The following LRP2 variants were observed in gnomAD, a reference collection of about 807,000 sequenced individuals.
LRP2 encodes low-density lipoprotein receptor-related protein 2.
A neutral mutation model predicts 531.0 loss-of-function variants in LRP2; 172 were observed. That is an observed-to-expected ratio of 0.32 (90% CI 0.29 to 0.37). The LOEUF (loss-of-function observed/expected upper bound fraction) is 0.37, where lower values mean the gene tolerates loss of function less well. Among genes scored for constraint, LRP2 ranks in the 10% least tolerant of loss-of-function variants. The probability of loss-of-function intolerance (pLI) is 1.00; values close to 1 mark genes in which losing one functional copy is unlikely to be tolerated. For synonymous variants in LRP2, 1,992 were observed against 2,027.6 expected, an observed-to-expected ratio of 0.98 and a Z score of 0.47; for missense variants, 5,167 against 5,868.3, an observed-to-expected ratio of 0.88 and a Z score of 3.90.
chr2:169,134,343 T>G (rs1478882565), intron 76 of LRP2, among the ~76,000 whole-genome samples: 1 of 152,156 alleles, frequency 6.6e-6, no homozygotes, highest in Non-Finnish European at 1.5e-5. Flanking sequence ...TCAGCTGTAC[T>G]CACTCTTTGT....
In LRP2 at chr2:169,162,647, G is replaced by C. The variant is rs767921945; in HGVS notation, c.11759-47C>G. ...AAATCAAAACTTTTTCTTTTATGAA[G>C]CAAGATACTTCCTTCTTTGACAGAG... On this transcript the variant is annotated intron_variant, in intron 62 of 78. Coordinates refer to ENST00000649046, the MANE Select transcript of LRP2 (RefSeq NM_004525.3). 17 of 1,588,558 alleles carry C rather than the reference G, an allele frequency of 1.1e-5. No homozygotes were observed. The African/African-American group carries it at 1.2e-4, about 11-fold the overall frequency.
At chr2:169,150,040 A>C (rs1686066215) in intron 68 of LRP2, among the ~76,000 whole-genome samples, 1 of 152,006 alleles carries the variant, frequency 6.6e-6, no homozygotes, top group African/African-American at 2.4e-5. Flanking sequence ...TATAAGCAGC[A>C]ATGACTAATG....
At position 169,273,032 on chromosome 2, in the gene LRP2, C is replaced by G; in HGVS notation, c.2011G>C (p.Glu671Gln). The G allele has an allele frequency of 1.2e-6, 2 of 1,613,702 alleles. No individual in the cohort carries two copies. The highest frequency in any genetic ancestry group is 1.7e-6 in the Non-Finnish European group (2 of 1,179,736). The change falls in exon 15 of 79, where the codon GAG becomes CAG. Residue 671 changes from glutamate to glutamine, a missense_variant. By Grantham distance (29) the Glu-to-Gln change is conservative (BLOSUM62 2). Coordinates refer to ENST00000649046, the MANE Select transcript of LRP2 (RefSeq NM_004525.3). ...CTGTGGCTGAGGACACAGACCTGCTCACAGCCCCCATTGTTATCTTTACAC... is the reference window on the plus strand; with the variant it reads ...CTGTGGCTGAGGACACAGACCTGCTGACAGCCCCCATTGTTATCTTTACAC... Reference protein sequence around the residue: ...NPCKDNNGGCEQVCVLSHRTD... With the variant: ...NPCKDNNGGCQQVCVLSHRTD...
intron 15 of LRP2, chr2:169,271,888 T>C: frequency 6.5e-6 from 1 of 154,176 alleles, no homozygotes; most frequent in Non-Finnish European, 1.4e-5. Context: ...GAAGAAGTGA[T>C]GTTTAACAGC....
chr2:169,304,588 G>A (rs1375693963), intron 4 of LRP2, among the ~76,000 whole-genome samples: 1 of 152,026 alleles, frequency 6.6e-6, no homozygotes, highest in Non-Finnish European at 1.5e-5. Context: ...GCTTTACAAA[G>A]CACTGAAAGG....
At position 169,176,513 on chromosome 2, in the gene LRP2, G is replaced by A; in HGVS notation, c.10469C>T (p.Thr3490Ile). The A allele has an allele frequency of 6.2e-7, 1 of 1,614,210 alleles. No individual in the cohort carries two copies. The highest frequency in any genetic ancestry group is 8.5e-7 in the Non-Finnish European group (1 of 1,180,026). ...GCGGAAGTCATCTGGACACTCGCAAGTGAACCCTTTTCCTCCTGGCTTGAT... is the reference window on the plus strand; with the variant it reads ...GCGGAAGTCATCTGGACACTCGCAAATGAACCCTTTTCCTCCTGGCTTGAT... ...CLIKPGGKGFTCECPDDFRTL... is the reference protein window; with the variant it reads ...CLIKPGGKGFICECPDDFRTL... The change falls in exon 54 of 79, where the codon ACT becomes ATT. Residue 3490 changes from threonine (T) to isoleucine (I), a missense_variant. By Grantham distance (89) the Thr-to-Ile change is moderately conservative. Coordinates refer to ENST00000649046, the MANE Select transcript of LRP2 (RefSeq NM_004525.3).
intron 4 of LRP2, 59 bp downstream of exon 4, chr2:169,307,222 A>T: frequency 8.7e-7 from 1 of 1,147,076 alleles, no homozygotes; most frequent in Non-Finnish European, 1.3e-6. Flanking sequence ...CAAATTGATT[A>T]AAATGCCAAA....
At chr2:169,146,073 T>G (rs1685897750) in intron 69 of LRP2, 150 bp from the exon 70 acceptor site, 1 of 750,892 alleles carries the variant, frequency 1.3e-6, no homozygotes, top group Non-Finnish European at 2.3e-6. Flanking sequence ...CAGGCTGACT[T>G]TAGCTACATG....
intron 33 of LRP2, among the ~76,000 whole-genome samples, chr2:169,223,257 A>G (rs903943339): frequency 3.3e-5 from 5 of 152,190 alleles, no homozygotes; most frequent in Admixed American, 2.0e-4. Context: ...AAGTGGCCTT[A>G]CCAATCCATA....
rs1252097575 is a variant in LRP2, at chr2:169,236,885, ATAAAG to A, written c.4691+213_4691+217del. Among the ~76,000 whole-genome samples the A allele has an allele frequency of 3.9e-5, 6 of 152,328 alleles. No individual in the cohort carries two copies. The South Asian group carries it at 8.3e-4, about 21-fold the overall frequency. ...GCTAATAAATCAATGTGCTCTTAAA[ATAAAG>A]TAAACAATCAATTGCTCTTATGTAC... On this transcript the variant is annotated intron_variant, in intron 28 of 78. Coordinates refer to ENST00000649046, the MANE Select transcript of LRP2 (RefSeq NM_004525.3).
intron 45 of LRP2, among the ~76,000 whole-genome samples, chr2:169,198,012 G>T (rs1688062720): frequency 6.6e-6 from 1 of 152,150 alleles, no homozygotes; most frequent in African/African-American, 2.4e-5. Flanking sequence ...CTTAAGAAAG[G>T]CCTTTTAATT....
intron 16 of LRP2, among the ~76,000 whole-genome samples, chr2:169,266,232 C>T (rs187556110): frequency 4.3e-4 from 65 of 151,464 alleles, no homozygotes; most frequent in Non-Finnish European, 8.3e-4. Flanking sequence ...GAAAGCAAAA[C>T]GCTCACCTAG....
chr2:169,303,957 A>G (rs138072242), intron 4 of LRP2, among the ~76,000 whole-genome samples: 8 of 151,256 alleles, frequency 5.3e-5, no homozygotes, highest in Non-Finnish European at 1.2e-4. Flanking sequence ...CCCAGATATA[A>G]TAACTTACAA....
chr2:169,168,468 G>C (rs1002594525), intron 61 of LRP2, 71 bp downstream of exon 61: 6 of 1,582,820 alleles, frequency 3.8e-6, no homozygotes, highest in Non-Finnish European at 5.2e-6. Flanking sequence ...AGGCTCACAT[G>C]CTACACGTAA....
intron 9 of LRP2, among the ~76,000 whole-genome samples, chr2:169,288,429 A>C (rs186803884): frequency 1.6e-3 from 242 of 152,354 alleles, no homozygotes; most frequent in Non-Finnish European, 2.6e-3. Flanking sequence ...GCACCATGAT[A>C]AAGAATCTGC....
chr2:169,233,735 C>T (rs961837481), intron 29 of LRP2, 147 bp from the exon 30 acceptor site: 18 of 794,872 alleles, frequency 2.3e-5, no homozygotes, highest in South Asian at 1.3e-4. Flanking sequence ...TGCAAAAGAG[C>T]GGCAAAAAAT....
chr2:169,225,070 G>A (rs1225281555), intron 33 of LRP2, among the ~76,000 whole-genome samples: 7 of 151,854 alleles, frequency 4.6e-5, no homozygotes, highest in African/African-American at 7.3e-5. Flanking sequence ...CAGCCTGGGC[G>A]ACAGAGTGAG....
chr2:169,194,716 CTTTTTTTTT>C (rs869249150), intron 46 of LRP2, among the ~76,000 whole-genome samples: 4 of 102,988 alleles, frequency 3.9e-5, no homozygotes, highest in African/African-American at 1.6e-4. Context: ...TTGATCCAGA[CTTTTTTTTT>C]TTTTTTTTTT....
chr2:169,308,931 G>A (rs1349626513), intron 3 of LRP2, among the ~76,000 whole-genome samples: 1 of 152,082 alleles, frequency 6.6e-6, no homozygotes, highest in Non-Finnish European at 1.5e-5. Context: ...GGTGTGAGAT[G>A]ATATCTCATT....
Sources: allele counts gnomAD v4.1 joint callset (sites outside exome capture counted in the v4.1 genomes callset), GRCh38; gene constraint gnomAD v4.1.1; transcripts MANE v1.5; gene names NCBI Gene and HGNC (gene_info 2026-07-23, HGNC 2026-07-21).